Variants in LHFPL2 observed in about 807,000 individuals in gnomAD.
LHFPL2 encodes LHFPL tetraspan subfamily member 2 protein.
A neutral mutation model predicts 17.5 loss-of-function variants in LHFPL2; 7 were observed. That is an observed-to-expected ratio of 0.40 (90% CI 0.23 to 0.75). The LOEUF (loss-of-function observed/expected upper bound fraction) is 0.75. LHFPL2 is among the 30% of genes least tolerant of loss of function. The pLI is 0.37. For missense variants in LHFPL2, 241 were observed against 294.8 expected (o/e 0.82, Z 1.34); for synonymous variants, 134 against 116.2 (o/e 1.15, Z -0.99).
chr5:78,627,116 A>C (rs149883938), intron 2 of LHFPL2, among the ~76,000 whole-genome samples: 1 of 152,276 alleles, frequency 6.6e-6, no homozygotes, highest in Non-Finnish European at 1.5e-5. Context: ...AAATATAGTA[A>C]GCAGAAATGT....
chr5:78,568,191 G>A (rs988481054), intron 2 of LHFPL2, among the ~76,000 whole-genome samples: 24 of 152,202 alleles, frequency 1.6e-4, no homozygotes, highest in African/African-American at 5.8e-4. Flanking sequence ...TGTAAATATT[G>A]GTCTTTATCT....
In LHFPL2 at chr5:78,522,386, C is replaced by T. The variant is rs1397238189; in HGVS notation, c.-185-11988G>A. ...CCAGGAGGCTGAGGTTGCAGTGAGC[C>T]GAGATCACGCATTGCGCTTCAGCCT... On this transcript the variant is annotated intron_variant, in intron 3 of 4. Transcript: ENST00000380345. Among the ~76,000 whole-genome samples the T allele has an allele frequency of 5.9e-5, 9 of 152,184 alleles. No homozygotes were observed. The South Asian group carries it at 1.5e-3, about 25-fold the overall frequency.
chr5:78,631,299 C>T (rs1745237611), intron 2 of LHFPL2, among the ~76,000 whole-genome samples: 1 of 152,198 alleles, frequency 6.6e-6, no homozygotes, highest in Non-Finnish European at 1.5e-5. Context: ...TAGTTGACAA[C>T]TCTGTGTCTC....
At chr5:78,566,533 G>A (rs952925181) in intron 2 of LHFPL2, among the ~76,000 whole-genome samples, 55 of 151,428 alleles carry the variant, frequency 3.6e-4, no homozygotes, top group African/African-American at 1.2e-3. Context: ...GCACGATCTT[G>A]GCTCACTGCA....
chr5:78,609,450 C>CAAAAAAAAAAAAAAAAAAAAAAAAA (rs71613975), intron 2 of LHFPL2, among the ~76,000 whole-genome samples: 2 of 40,684 alleles, frequency 4.9e-5, no homozygotes, highest in African/African-American at 1.7e-4. Flanking sequence ...GACTCAGTCT[C>CAAAAAAAAAAAAAAAAAAAAAAAAA]AAAAAAAAAA....
At chr5:78,509,754 C>T in intron 4 of LHFPL2, 30 bp downstream of exon 4, 2 of 1,593,516 alleles carry the variant, frequency 1.3e-6, no homozygotes, top group Non-Finnish European at 1.7e-6. Flanking sequence ...ATCCCTCCAT[C>T]CCACCGTGCC....
At chr5:78,562,743 G>T (rs919846165) in intron 3 of LHFPL2, among the ~76,000 whole-genome samples, 5 of 151,510 alleles carry the variant, frequency 3.3e-5, no homozygotes, top group African/African-American at 9.7e-5. Context: ...AAGTGTTACT[G>T]TATTTCTATG....
chr5:78,640,235 A>G (rs767564432), intron 1 of LHFPL2, among the ~76,000 whole-genome samples: 3 of 152,224 alleles, frequency 2.0e-5, no homozygotes, highest in Non-Finnish European at 2.9e-5. Context: ...TATTTAATTC[A>G]GTATTTCTTA....
At chr5:78,597,448 A>G (rs1436736631) in intron 2 of LHFPL2, among the ~76,000 whole-genome samples, 3 of 152,174 alleles carry the variant, frequency 2.0e-5, no homozygotes, top group East Asian at 3.8e-4. Flanking sequence ...TTTGTGTGGG[A>G]CAGAAGCAAG....
intron 1 of LHFPL2, among the ~76,000 whole-genome samples, chr5:78,635,288 T>C (rs1484598499): frequency 6.6e-6 from 1 of 152,230 alleles, no homozygotes; most frequent in Non-Finnish European, 1.5e-5. Flanking sequence ...AAGCATGCAC[T>C]AATGCACATT....
intron 3 of LHFPL2, among the ~76,000 whole-genome samples, chr5:78,553,885 C>T (rs989788974): frequency 1.3e-5 from 2 of 152,236 alleles, no homozygotes; most frequent in African/African-American, 4.8e-5. Context: ...GGAGCCCTGA[C>T]AATTCAGTTG....
Position 78,506,643 on chromosome 5 carries a change from G to A in LHFPL2, c.430+3141C>T, listed in dbSNP as rs528074717. ...CAGCTGCCCTTTACATTGGCTTGATGTGCATGATGAGACCTCCAATAGGGG... is the reference window on the plus strand; with the variant it reads ...CAGCTGCCCTTTACATTGGCTTGATATGCATGATGAGACCTCCAATAGGGG... On this transcript the variant is annotated intron_variant, in intron 4 of 4. Transcript: ENST00000380345. 5.9e-5 allele frequency among the ~76,000 whole-genome samples: 9 copies of A among 152,360 alleles called. No individual in the cohort carries two copies. In the South Asian group the frequency reaches 6.2e-4, roughly 11 times the overall value.
intron 3 of LHFPL2, among the ~76,000 whole-genome samples, chr5:78,547,917 G>A (rs532129229): frequency 2.6e-5 from 4 of 152,224 alleles, no homozygotes; most frequent in South Asian, 2.1e-4. Flanking sequence ...CCAACCCATC[G>A]TGAAGAAAAT....
intron 2 of LHFPL2, among the ~76,000 whole-genome samples, chr5:78,578,585 GCACACACACACACACA>G (rs61127481): frequency 3.4e-5 from 5 of 146,998 alleles, no homozygotes; most frequent in Non-Finnish European, 7.5e-5. Flanking sequence ...TTGCATATGT[GCACACACACACACACA>G]CACACACACA....
intron 2 of LHFPL2, among the ~76,000 whole-genome samples, chr5:78,631,025 C>T (rs1297092472): frequency 6.6e-6 from 1 of 152,174 alleles, no homozygotes; most frequent in Non-Finnish European, 1.5e-5. Flanking sequence ...CAAGCCAATC[C>T]GGGTACCTCT....
chr5:78,613,216 T>TA (rs1246499998), intron 2 of LHFPL2, among the ~76,000 whole-genome samples: 1 of 152,204 alleles, frequency 6.6e-6, no homozygotes, highest in East Asian at 1.9e-4. Flanking sequence ...AAGACATAGG[T>TA]AAGTTTCTTG....
chr5:78,539,482 T>C (rs892845270), intron 3 of LHFPL2, among the ~76,000 whole-genome samples: 11 of 152,180 alleles, frequency 7.2e-5, no homozygotes, highest in African/African-American at 2.4e-4. Context: ...AAATAAAAGA[T>C]GGTAAAGTGC....
chr5:78,511,711 T>C (rs1239927661), intron 3 of LHFPL2, among the ~76,000 whole-genome samples: 2 of 152,240 alleles, frequency 1.3e-5, no homozygotes, highest in East Asian at 3.8e-4. Context: ...GCTGTCTGCC[T>C]GCTGGCTGAC....
intron 2 of LHFPL2, among the ~76,000 whole-genome samples, chr5:78,621,288 C>T (rs1744845637): frequency 6.6e-6 from 1 of 152,190 alleles, no homozygotes. Flanking sequence ...TAGAGAGTAA[C>T]AGCCACTCTT....
Sources: allele counts gnomAD v4.1 joint callset (sites outside exome capture counted in the v4.1 genomes callset), GRCh38; gene constraint gnomAD v4.1.1; transcripts MANE v1.5; gene names NCBI Gene and HGNC (gene_info 2026-07-23, HGNC 2026-07-21).